PTPRM: variants seen among roughly 807,000 people sequenced by gnomAD.
PTPRM encodes the protein protein tyrosine phosphatase receptor type M.
PTPRM carries 47 observed loss-of-function variants against 186.7 expected under a neutral mutation model. The ratio of observed to expected loss-of-function variants is 0.25; its 90% confidence interval spans 0.20 to 0.32. The LOEUF (loss-of-function observed/expected upper bound fraction) is 0.32, where lower values mean the gene tolerates loss of function less well. PTPRM is among the 10% of genes least tolerant of loss of function. The pLI is 1.00. For missense variants in PTPRM, 1,494 were observed against 1,865.0 expected, an observed-to-expected ratio of 0.80 and a Z score of 3.66; for synonymous variants, 668 against 674.9, an observed-to-expected ratio of 0.99 and a Z score of 0.16.
chr18:8,177,603 G>C (rs1217514478), intron 14 of PTPRM, among the ~76,000 whole-genome samples: 1 of 152,242 alleles, frequency 6.6e-6, no homozygotes, highest in Non-Finnish European at 1.5e-5. Flanking sequence ...ATCAGTAAGT[G>C]TTGGGAGCAA....
At chr18:7,921,029 C>G (rs1217469694) in intron 4 of PTPRM, among the ~76,000 whole-genome samples, 1 of 152,010 alleles carries the variant, frequency 6.6e-6, no homozygotes, top group Non-Finnish European at 1.5e-5. Flanking sequence ...CTCTCTTTGT[C>G]TTTGACCTTT....
At chr18:8,390,756 G>A (rs531214820) in intron 31 of PTPRM, among the ~76,000 whole-genome samples, 140 of 151,800 alleles carry the variant, frequency 9.2e-4, no homozygotes, top group African/African-American at 2.9e-3. Context: ...GTGAAACCCC[G>A]TCTCTACTGA....
chr18:7,772,377 T>TTCTTTCTTTCTTTC (rs2042342247), intron 1 of PTPRM, among the ~76,000 whole-genome samples: 10 of 136,800 alleles, frequency 7.3e-5, no homozygotes, highest in African/African-American at 2.5e-4. Flanking sequence ...CTTTCTTTCT[T>TTCTTTCTTTCTTTC]TCTTTCTTTC....
intron 8 of PTPRM, among the ~76,000 whole-genome samples, chr18:8,071,999 T>G (rs2089509373): frequency 6.6e-6 from 1 of 152,216 alleles, no homozygotes; most frequent in Admixed American, 6.5e-5. Flanking sequence ...CTTAGTATTG[T>G]AATGATTCAT....
intron 1 of PTPRM, among the ~76,000 whole-genome samples, chr18:7,765,138 G>C (rs2041959436): frequency 6.6e-6 from 1 of 152,060 alleles, no homozygotes; most frequent in Non-Finnish European, 1.5e-5. Flanking sequence ...CTATCAATAA[G>C]AAAAATACAT....
chr18:8,195,717 A>C (rs2093769051), intron 14 of PTPRM, among the ~76,000 whole-genome samples: 1 of 152,184 alleles, frequency 6.6e-6, no homozygotes. Flanking sequence ...AGGGTGGAAT[A>C]ATAGACATTG....
At chr18:7,931,441 C>T (rs1009499956) in intron 5 of PTPRM, among the ~76,000 whole-genome samples, 5 of 152,166 alleles carry the variant, frequency 3.3e-5, no homozygotes, top group Admixed American at 3.3e-4. Flanking sequence ...TGCAGTGGCT[C>T]ACGCCTGTAA....
intron 1 of PTPRM, among the ~76,000 whole-genome samples, chr18:7,770,616 G>C (rs1226639816): frequency 6.6e-6 from 1 of 152,180 alleles, no homozygotes; most frequent in African/African-American, 2.4e-5. Flanking sequence ...ATCTAGACTT[G>C]GGAGACTAAG....
rs2049442822 is a variant in PTPRM at position 7,897,773 on chromosome 18, G to T, written c.469-8732G>T. On this transcript the variant is annotated intron_variant, in intron 3 of 32. Coordinates refer to ENST00000580170, the MANE Select transcript of PTPRM (RefSeq NM_001105244.2). ...TATGCATATCAACCCTGTTCTTTATGACTTCTAAGCCATGTTTTTGTCCTC... is the reference window on the plus strand; with the variant it reads ...TATGCATATCAACCCTGTTCTTTATTACTTCTAAGCCATGTTTTTGTCCTC... 2.0e-5 allele frequency among the ~76,000 whole-genome samples: 3 copies of T among 152,034 alleles called. 1 individual carries two copies. The South Asian group carries it at 6.3e-4, about 32-fold the overall frequency.
chr18:7,730,314 A>C (rs1194915452), intron 1 of PTPRM, among the ~76,000 whole-genome samples: 1 of 152,126 alleles, frequency 6.6e-6, no homozygotes, highest in Non-Finnish European at 1.5e-5. Flanking sequence ...GTTGTCTGAC[A>C]CTGTTTGAAT....
intron 22 of PTPRM, among the ~76,000 whole-genome samples, chr18:8,341,690 C>A (rs977407267): frequency 1.3e-5 from 2 of 151,758 alleles, no homozygotes; most frequent in Admixed American, 6.6e-5. Context: ...AAGCCCCCCC[C>A]CCTTTGATTC....
At chr18:7,701,819 A>G (rs572044217) in intron 1 of PTPRM, among the ~76,000 whole-genome samples, 3 of 152,170 alleles carry the variant, frequency 2.0e-5, no homozygotes, top group Admixed American at 6.5e-5. Flanking sequence ...TCAACCCGTC[A>G]TCTACATTAG....
At chr18:7,845,705 G>A (rs1056390425) in intron 2 of PTPRM, among the ~76,000 whole-genome samples, 6 of 151,964 alleles carry the variant, frequency 3.9e-5, no homozygotes, top group Admixed American at 1.3e-4. Flanking sequence ...TTTCAATGGA[G>A]GAAATTTAGA....
At chr18:7,870,510 T>A (rs1010384255) in intron 2 of PTPRM, among the ~76,000 whole-genome samples, 24 of 152,154 alleles carry the variant, frequency 1.6e-4, no homozygotes, top group Admixed American at 1.1e-3. Flanking sequence ...TTTGACGACA[T>A]CTGTTTTGGC....
At chr18:8,289,525 C>CAT (rs1229316727) in intron 19 of PTPRM, among the ~76,000 whole-genome samples, 1 of 79,814 alleles carries the variant, frequency 1.3e-5, no homozygotes, top group Non-Finnish European at 2.4e-5. Flanking sequence ...TATATATATA[C>CAT]ATATATATAC....
chr18:7,697,602 G>C (rs1355126060), intron 1 of PTPRM, among the ~76,000 whole-genome samples: 1 of 152,180 alleles, frequency 6.6e-6, no homozygotes, highest in African/African-American at 2.4e-5. Flanking sequence ...CATCTCAATG[G>C]TTGAATAGAG....
At chr18:7,836,187 C>G (rs1391337727) in intron 2 of PTPRM, among the ~76,000 whole-genome samples, 1 of 152,006 alleles carries the variant, frequency 6.6e-6, no homozygotes, top group Non-Finnish European at 1.5e-5. Context: ...TTCTTCCTGT[C>G]TTTCTTTTAG....
chr18:8,231,884 C>T (rs1000284288), intron 14 of PTPRM, among the ~76,000 whole-genome samples: 4 of 152,150 alleles, frequency 2.6e-5, no homozygotes, highest in African/African-American at 9.7e-5. Context: ...ACACAGTATC[C>T]TCATTTATCA....
intron 2 of PTPRM, among the ~76,000 whole-genome samples, chr18:7,878,857 G>A (rs1021986353): frequency 1.3e-5 from 2 of 152,048 alleles, no homozygotes; most frequent in African/African-American, 4.8e-5. Flanking sequence ...AAACTAACCC[G>A]TTTCTAAAGA....
Sources: gnomAD v4.1 joint callset for allele counts (sites outside exome capture counted in the v4.1 genomes callset) on GRCh38, gnomAD v4.1.1 for gene constraint, MANE v1.5 for transcripts, NCBI Gene and HGNC (gene_info 2026-07-23, HGNC 2026-07-21) for gene names.